The following CDH11 variants were observed in gnomAD, a reference collection of about 807,000 sequenced individuals.
CDH11 encodes cadherin 11.
Under a neutral mutation model 67.8 loss-of-function variants are expected in CDH11, and 11 were observed. That is an observed-to-expected ratio of 0.16 (90% CI 0.10 to 0.27). CDH11 has a LOEUF of 0.27. Ranked by LOEUF, CDH11 falls within the 10% of genes least tolerant of loss-of-function variation. The pLI is 1.00. For synonymous variants in CDH11, 419 were observed against 400.0 expected, an observed-to-expected ratio of 1.05 and a Z score of -0.57; for missense variants, 847 against 1,031.2, an observed-to-expected ratio of 0.82 and a Z score of 2.45.
intron 2 of CDH11, among the ~76,000 whole-genome samples, chr16:65,026,080 G>C (rs2073528714): frequency 6.6e-6 from 1 of 152,146 alleles, no homozygotes; most frequent in African/African-American, 2.4e-5. Flanking sequence ...GGTCAGATGA[G>C]TCCCAGGAGT....
intron 2 of CDH11, among the ~76,000 whole-genome samples, chr16:65,041,669 ATACC>A (rs2073870624): frequency 6.6e-6 from 1 of 152,232 alleles, no homozygotes; most frequent in South Asian, 2.1e-4. Context: ...CTTCTGATTG[ATACC>A]TACTCAAGCA....
At chr16:64,977,580 A>G (rs1008713776) in intron 8 of CDH11, among the ~76,000 whole-genome samples, 1 of 152,222 alleles carries the variant, frequency 6.6e-6, no homozygotes, top group South Asian at 2.1e-4. Flanking sequence ...CATAGTCATT[A>G]TGTAACATAT....
At chr16:65,065,236 T>C (rs1271332853) in intron 1 of CDH11, among the ~76,000 whole-genome samples, 1 of 152,108 alleles carries the variant, frequency 6.6e-6, no homozygotes, top group Admixed American at 6.6e-5. Context: ...CCCGGCCCAC[T>C]CTCCACCTCA....
chr16:65,066,271 C>T (rs1449712088), intron 1 of CDH11, among the ~76,000 whole-genome samples: 1 of 152,200 alleles, frequency 6.6e-6, no homozygotes, highest in African/African-American at 2.4e-5. Flanking sequence ...CACCTCCTGA[C>T]AGTCCACCTT....
intron 1 of CDH11, among the ~76,000 whole-genome samples, chr16:65,096,869 T>C (rs2074907533): frequency 6.6e-6 from 1 of 152,182 alleles, no homozygotes; most frequent in African/African-American, 2.4e-5. Context: ...AAACATGTTT[T>C]AACTCCCTTG....
At chr16:65,006,933 C>G (rs2073068246) in intron 2 of CDH11, 1 of 152,312 alleles carries the variant, frequency 6.6e-6, no homozygotes, top group African/African-American at 2.4e-5. Flanking sequence ...TAAGATATGA[C>G]TTGCTCCTCC....
In CDH11 at chr16:64,945,753, AC is replaced by A; in HGVS notation, c.*1849del. ...AATGGAAGTGAGCACTTCATAAAAA[AC>A]ATTTCTTTGTATGCATGTTGACTAA... On this transcript the variant is annotated 3_prime_UTR_variant, in exon 13 of 13. Transcript: ENST00000268603. 9.6e-7 allele frequency: 1 copy of A among 1,043,348 alleles called. No homozygotes were observed. 64.6% of individuals were successfully genotyped at this position (1,043,348 alleles called of 1,614,324 possible).
At chr16:65,044,276 C>T (rs1016406722) in intron 2 of CDH11, among the ~76,000 whole-genome samples, 3 of 152,226 alleles carry the variant, frequency 2.0e-5, no homozygotes, top group East Asian at 3.9e-4. Context: ...AACTAATTGG[C>T]GATGTGGTAA....
At chr16:65,085,364 C>T (rs548668472) in intron 1 of CDH11, among the ~76,000 whole-genome samples, 97 of 152,340 alleles carry the variant, frequency 6.4e-4, no homozygotes, top group Non-Finnish European at 4.4e-4. Flanking sequence ...CCACCTTAGT[C>T]ATCTCCACAA....
chr16:65,080,058 T>A (rs1188187146), intron 1 of CDH11, among the ~76,000 whole-genome samples: 1 of 151,958 alleles, frequency 6.6e-6, no homozygotes, highest in African/African-American at 2.4e-5. Context: ...GCTTACACTA[T>A]TTTTTTTCTA....
At chr16:64,953,084 G>A (rs569535589) in intron 11 of CDH11, among the ~76,000 whole-genome samples, 22 of 152,118 alleles carry the variant, frequency 1.4e-4, no homozygotes, top group Admixed American at 4.6e-4. Context: ...CATGTAAATA[G>A]TTATGATACT....
intron 12 of CDH11, among the ~76,000 whole-genome samples, chr16:64,949,003 A>G (rs2071275985): frequency 6.6e-6 from 1 of 152,156 alleles, no homozygotes; most frequent in African/African-American, 2.4e-5. Flanking sequence ...GGAATGAGAG[A>G]TTGTACTTGC....
At chr16:65,023,946 G>A (rs1189111889) in intron 2 of CDH11, among the ~76,000 whole-genome samples, 1 of 152,056 alleles carries the variant, frequency 6.6e-6, no homozygotes, top group Non-Finnish European at 1.5e-5. Flanking sequence ...TTCATCCTGG[G>A]ACTAAGGATG....
In CDH11 at chr16:64,982,316, G is replaced by A. The variant is rs1274468568; in HGVS notation, c.1000-15C>T. 1.2e-6 allele frequency: 2 copies of A among 1,600,626 alleles called. No homozygotes were observed. Among genetic ancestry groups the A allele is most frequent in the East Asian group, 2.2e-5 (1 of 44,782 alleles). On this transcript the variant is annotated splice_polypyrimidine_tract_variant and intron_variant, in intron 7 of 12. Coordinates refer to ENST00000268603, the MANE Select transcript of CDH11 (RefSeq NM_001797.4). ...AAATCTACAGGCTGGCAAGAATGAA[G>A]AGAAGATTGACAACCAATTCCTTGA...
At chr16:65,042,920 T>C (rs1290084841) in intron 2 of CDH11, among the ~76,000 whole-genome samples, 1 of 152,124 alleles carries the variant, frequency 6.6e-6, no homozygotes, top group Non-Finnish European at 1.5e-5. Flanking sequence ...TCTAACAGGG[T>C]GGGAAAACCT....
intron 4 of CDH11, among the ~76,000 whole-genome samples, chr16:64,997,300 A>AAAATAAATAAATAAATAAATAAAT (rs71143544): frequency 8.0e-6 from 1 of 125,140 alleles, no homozygotes; most frequent in Non-Finnish European, 1.6e-5. Context: ...ACTCTGTCTC[A>AAAATAAATAAATAAATAAATAAAT]AAATAAATAA....
At chr16:65,060,488 T>C (rs2074220553) in intron 1 of CDH11, among the ~76,000 whole-genome samples, 1 of 152,142 alleles carries the variant, frequency 6.6e-6, no homozygotes, top group African/African-American at 2.4e-5. Flanking sequence ...TTTTAAACTT[T>C]TTTTTAGGGT....
rs1364189542 is a variant in CDH11, at chr16:65,044,599, G to A, written c.-173+9205C>T. 2.6e-5 allele frequency among the ~76,000 whole-genome samples: 4 copies of A among 152,054 alleles called. No individual in the cohort carries two copies. In the East Asian group the frequency reaches 7.8e-4, roughly 30 times the overall value. Reference sequence around the variant, plus strand: ...CTCACAGGGTCTAGGAGCCCCTGCTGGAGGAGAAGATGCTTCTCTGCTCAC... The same window carrying A: ...CTCACAGGGTCTAGGAGCCCCTGCTAGAGGAGAAGATGCTTCTCTGCTCAC... On this transcript the variant is annotated intron_variant, in intron 2 of 12. Coordinates refer to ENST00000268603, the MANE Select transcript of CDH11 (RefSeq NM_001797.4).
intron 8 of CDH11, among the ~76,000 whole-genome samples, chr16:64,977,529 C>T (rs772172287): frequency 6.6e-6 from 1 of 152,192 alleles, no homozygotes; most frequent in Admixed American, 6.5e-5. Context: ...AAACTTCACA[C>T]TGTGAAGATT....
Sources: gnomAD v4.1 joint callset for allele counts (sites outside exome capture counted in the v4.1 genomes callset) on GRCh38, gnomAD v4.1.1 for gene constraint, MANE v1.5 for transcripts, NCBI Gene and HGNC (gene_info 2026-07-23, HGNC 2026-07-21) for gene names.